The following USP30 variants were observed in gnomAD, a reference collection of about 807,000 sequenced individuals.
USP30 encodes ubiquitin specific peptidase 30.
In USP30, 41 loss-of-function variants were observed where a neutral mutation model predicts 68.2. The observed-to-expected ratio is 0.60, with a 90% CI of 0.47 to 0.78. USP30 has a LOEUF of 0.78. Ranked by LOEUF, USP30 falls within the 30% of genes least tolerant of loss-of-function variation. The pLI, the probability that USP30 is intolerant of heterozygous loss-of-function variation, is 0.00. For missense variants in USP30, 522 were observed against 649.4 expected, an observed-to-expected ratio of 0.80 and a Z score of 2.13; for synonymous variants, 229 against 253.7, an observed-to-expected ratio of 0.90 and a Z score of 0.93.
chr12:109,055,401 T>TATATATACATA (rs61062424), intron 1 of USP30, among the ~76,000 whole-genome samples: 11 of 29,608 alleles, frequency 3.7e-4, no homozygotes, highest in South Asian at 1.4e-3. Flanking sequence ...TATATATATA[T>TATATATACATA]TTTTTTTTTT....
intron 11 of USP30, among the ~76,000 whole-genome samples, chr12:109,084,459 T>A (rs1446318505): frequency 6.6e-6 from 1 of 152,158 alleles, no homozygotes; most frequent in Admixed American, 6.5e-5. Context: ...CAAGGGACAT[T>A]GGGCAGTGTC....
chr12:109,024,071 G>A (rs1023728983), intron 1 of USP30, among the ~76,000 whole-genome samples: 1 of 152,100 alleles, frequency 6.6e-6, no homozygotes, highest in African/African-American at 2.4e-5. Context: ...ACCTCTTCCT[G>A]GGTGGGTAAC....
intron 8 of USP30, 41 bp from the exon 9 acceptor site, chr12:109,081,892 G>A: frequency 6.3e-7 from 1 of 1,583,318 alleles, no homozygotes; most frequent in Non-Finnish European, 8.7e-7. Flanking sequence ...CAGTATAGCT[G>A]TCCTTTGAAT....
chr12:109,039,894 C>T (rs2040551222), intron 3 of USP30, among the ~76,000 whole-genome samples: 1 of 152,134 alleles, frequency 6.6e-6, no homozygotes, highest in Non-Finnish European at 1.5e-5. Flanking sequence ...CAGGCGTGAA[C>T]CACCACACCT....
chr12:109,033,433 G>C (rs1387164613), intron 3 of USP30, among the ~76,000 whole-genome samples: 1 of 152,184 alleles, frequency 6.6e-6, no homozygotes, highest in African/African-American at 2.4e-5. Context: ...AGTCACAGCA[G>C]GTTGTTTTAG....
chr12:109,052,848 G>A (rs2040711990), intron 1 of USP30, 87 bp downstream of exon 1: 4 of 1,281,610 alleles, frequency 3.1e-6, no homozygotes, highest in Non-Finnish European at 4.1e-6. Flanking sequence ...TGCCCTAGTT[G>A]GGGTCTCCAG....
chr12:109,040,997 C>A (rs1004247375), intron 3 of USP30, among the ~76,000 whole-genome samples: 5 of 152,256 alleles, frequency 3.3e-5, no homozygotes, highest in Middle Eastern at 3.4e-3. Flanking sequence ...GGAGAAAGAA[C>A]CAGATTCTCT....
chr12:109,030,672 A>C (rs969401580), intron 3 of USP30, among the ~76,000 whole-genome samples: 3 of 152,340 alleles, frequency 2.0e-5, no homozygotes, highest in Non-Finnish European at 4.4e-5. Context: ...GCTGGAGTGC[A>C]GTGGCGCTAT....
chr12:109,056,384 G>A (rs976419322), intron 1 of USP30, among the ~76,000 whole-genome samples: 1 of 152,038 alleles, frequency 6.6e-6, no homozygotes, highest in African/African-American at 2.4e-5. Flanking sequence ...GTAGAGACAG[G>A]GTTTCCACAT....
chr12:109,066,908 T>C (rs993997311), intron 3 of USP30, among the ~76,000 whole-genome samples: 2 of 152,118 alleles, frequency 1.3e-5, no homozygotes, highest in African/African-American at 4.8e-5. Context: ...TTTTGCTCAA[T>C]AAGAACCTTG....
At chr12:109,061,610 T>C (rs1386160139) in intron 3 of USP30, among the ~76,000 whole-genome samples, 1 of 151,048 alleles carries the variant, frequency 6.6e-6, no homozygotes, top group African/African-American at 2.4e-5. Flanking sequence ...GGGTTTTGAC[T>C]TGTTGCCCAG....
At position 109,061,256 on chromosome 12, in the gene USP30, TCCTAAC is replaced by T. The variant is rs566498183; in HGVS notation, c.376+3152_376+3157del. ...AAAGCTGAAATGTCCACATGAGTTA[TCCTAAC>T]CCTGACCTCAGCACTGCCCTTATCC... On this transcript the variant is annotated intron_variant, in intron 3 of 12. Coordinates refer to ENST00000257548, the MANE Select transcript of USP30 (RefSeq NM_032663.5). Among the ~76,000 whole-genome samples, 3 of 152,216 alleles carry T rather than the reference TCCTAAC, an allele frequency of 2.0e-5. No individual in the cohort carries two copies. In the South Asian group the frequency reaches 6.2e-4, roughly 32 times the overall value.
intron 3 of USP30, among the ~76,000 whole-genome samples, chr12:109,039,323 A>T (rs985839536): frequency 2.0e-5 from 3 of 152,156 alleles, no homozygotes; most frequent in African/African-American, 7.2e-5. Flanking sequence ...TATGTGTCTT[A>T]TCCTATAGTT....
intron 11 of USP30, 99 bp downstream of exon 11, chr12:109,083,161 G>A (rs2041853353): frequency 1.6e-6 from 2 of 1,231,346 alleles, no homozygotes; most frequent in African/African-American, 3.0e-5. Flanking sequence ...AGGAGCACAA[G>A]GCTTGTACAA....
intron 5 of USP30, 70 bp downstream of exon 5, chr12:109,071,780 T>A (rs538308102): frequency 7.5e-7 from 1 of 1,340,502 alleles, no homozygotes; most frequent in African/African-American, 1.4e-5. Flanking sequence ...GGGAGGCAAG[T>A]GTAATCTTTG....
intron 1 of USP30, among the ~76,000 whole-genome samples, chr12:109,024,555 G>T (rs1169502533): frequency 1.3e-5 from 2 of 150,374 alleles, no homozygotes; most frequent in African/African-American, 4.9e-5. Context: ...ACCGTGCCCG[G>T]CCACAATGAT....
Position 109,082,854 on chromosome 12 carries a change from T to C in USP30, c.960T>C (p.Cys320=). The C allele has an allele frequency of 6.2e-7, 1 of 1,613,836 alleles. No homozygotes were observed. The highest frequency in any genetic ancestry group is 8.5e-7 in the Non-Finnish European group (1 of 1,179,768). The change falls in exon 11 of 13, where the codon TGT becomes TGC. Residue 320 remains cysteine, a synonymous_variant. Transcript: ENST00000257548. ...KQLKLGKLPQ[C]LCIHLQRLSW... ...TCTTCCACCCGCAGCTCCCTCAGTG[T>C]CTCTGCATCCACCTACAGCGGCTGA...
At position 109,083,022 on chromosome 12, in the gene USP30, T is replaced by C; in HGVS notation, c.1128T>C (p.Pro376=). Residue 376 remains proline (P), a synonymous_variant, in exon 11 of 13, where the codon CCT becomes CCC. Coordinates refer to ENST00000257548, the MANE Select transcript of USP30 (RefSeq NM_032663.5). ...HNPKLNKNPG[P]TLELQDGPGA... ...CTAAACTGAACAAGAACCCAGGGCC[T>C]ACACTGGAGCTGCAGGATGGGCCGG... 6.2e-7 allele frequency: 1 copy of C among 1,613,700 alleles called. No homozygotes were observed. The highest frequency in any genetic ancestry group is 8.5e-7 in the Non-Finnish European group (1 of 1,179,716).
chr12:109,035,860 A>T, intron 3 of USP30, among the ~76,000 whole-genome samples: 1 of 152,316 alleles, frequency 6.6e-6, no homozygotes, highest in Admixed American at 6.5e-5. Context: ...ACACAAAAAA[A>T]TTATATACAA....
Sources: allele counts gnomAD v4.1 joint callset (sites outside exome capture counted in the v4.1 genomes callset), GRCh38; gene constraint gnomAD v4.1.1; transcripts MANE v1.5; gene names NCBI Gene and HGNC (gene_info 2026-07-23, HGNC 2026-07-21).